Variants in PPP2R2C observed in about 807,000 individuals in gnomAD.
PPP2R2C encodes the protein protein phosphatase 2 regulatory subunit Bgamma, also known as protein phosphatase 2, regulatory subunit B, gamma.
In PPP2R2C, 10 loss-of-function variants were observed where a neutral mutation model predicts 45.3. The ratio of observed to expected loss-of-function variants is 0.22; its 90% CI spans 0.14 to 0.37. The LOEUF is 0.37. Ranked by LOEUF, PPP2R2C falls within the 10% of genes least tolerant of loss-of-function variation. The pLI, the probability that PPP2R2C is intolerant of heterozygous loss-of-function variation, is 1.00. For missense variants in PPP2R2C, 308 were observed against 619.7 expected (o/e 0.50, Z 5.34); for synonymous variants, 257 against 245.4 (o/e 1.05, Z -0.44).
At chr4:6,541,438 G>C (rs1023968491) in intron 1 of PPP2R2C, among the ~76,000 whole-genome samples, 1 of 152,094 alleles carries the variant, frequency 6.6e-6, no homozygotes, top group Non-Finnish European at 1.5e-5. Context: ...CACCACATAG[G>C]TTCCCTGTCA....
chr4:6,374,830 A>G (rs1715165534), intron 4 of PPP2R2C, among the ~76,000 whole-genome samples: 1 of 152,136 alleles, frequency 6.6e-6, no homozygotes, highest in South Asian at 2.1e-4. Flanking sequence ...AGCTGCCTCC[A>G]GTGTGAACTG....
At chr4:6,491,793 G>C (rs1233034656) in intron 2 of PPP2R2C, among the ~76,000 whole-genome samples, 2 of 152,180 alleles carry the variant, frequency 1.3e-5, no homozygotes, top group Non-Finnish European at 2.9e-5. Flanking sequence ...ATGTGAATAT[G>C]TGCCTACTTC....
intron 1 of PPP2R2C, among the ~76,000 whole-genome samples, chr4:6,400,235 G>C (rs1217885310): frequency 2.0e-5 from 3 of 152,132 alleles, no homozygotes; most frequent in African/African-American, 7.2e-5. Context: ...TATCACAACA[G>C]ACTGAATGCA....
chr4:6,364,867 G>A lies in PPP2R2C; in HGVS notation c.625+7656C>T, dbSNP rs1293521031. 6.6e-6 allele frequency among the ~76,000 whole-genome samples: 1 copy of A among 152,138 alleles called. No individual in the cohort carries two copies. The highest frequency in any genetic ancestry group is 1.5e-5 in the Non-Finnish European group (1 of 68,022). ...GGGCAGACAGGCAGGTGGGCTCTGGGTGCATTTGGACGATGGGATCACAGG... is the reference window on the plus strand; with the variant it reads ...GGGCAGACAGGCAGGTGGGCTCTGGATGCATTTGGACGATGGGATCACAGG... On this transcript the variant is annotated intron_variant, in intron 5 of 8. Transcript: ENST00000382599. The surrounding 1 kb of genome is among the most constrained non-coding windows in gnomAD (Gnocchi z 5.3).
At position 6,324,388 on chromosome 4, in the gene PPP2R2C, G is replaced by A. The variant is rs943497685; in HGVS notation, c.1053-795C>T. 3.3e-5 allele frequency among the ~76,000 whole-genome samples: 5 copies of A among 152,004 alleles called. No homozygotes were observed. Among genetic ancestry groups the A allele is most frequent in the Admixed American group, 6.5e-5 (1 of 15,274 alleles). Reference sequence around the variant, plus strand: ...CAAGGTTGTAGTGAGCCAAGATCGCGCCACTGCACTCCAGCCTGGGCAATA... The same window carrying A: ...CAAGGTTGTAGTGAGCCAAGATCGCACCACTGCACTCCAGCCTGGGCAATA... On this transcript the variant is annotated intron_variant, in intron 8 of 8. Coordinates refer to ENST00000382599, the MANE Select transcript of PPP2R2C (RefSeq NM_020416.4). The surrounding 1 kb of genome is among the most constrained non-coding windows in gnomAD (Gnocchi z 4.1).
chr4:6,349,108 C>A, intron 5 of PPP2R2C: 1 of 985,406 alleles, frequency 1.0e-6, no homozygotes, highest in Non-Finnish European at 1.2e-6. Flanking sequence ...CACCCCCGAG[C>A]TTCTCTCCGG....
intron 1 of PPP2R2C, among the ~76,000 whole-genome samples, chr4:6,444,044 C>T (rs946776834): frequency 7.2e-5 from 11 of 152,206 alleles, no homozygotes; most frequent in African/African-American, 2.7e-4. Flanking sequence ...TCCTGCAGCC[C>T]TCTGCCCGTG....
chr4:6,461,689 A>C (rs1721327904), intron 1 of PPP2R2C, among the ~76,000 whole-genome samples: 1 of 152,280 alleles, frequency 6.6e-6, no homozygotes, highest in South Asian at 2.1e-4. Flanking sequence ...AAGCCCCTGG[A>C]ATGTGGGGAT....
chr4:6,469,972 G>C (rs953913256), intron 1 of PPP2R2C, among the ~76,000 whole-genome samples: 1 of 152,258 alleles, frequency 6.6e-6, no homozygotes, highest in African/African-American at 2.4e-5. Flanking sequence ...TTCATCTCAA[G>C]GTGGGGATAA....
chr4:6,352,079 A>G (rs28499281), intron 5 of PPP2R2C, among the ~76,000 whole-genome samples: 6,847 of 152,200 alleles, frequency 0.045, 500 homozygotes, highest in African/African-American at 0.16. Flanking sequence ...GCTACCGTGA[A>G]CACAGCTTTC....
In PPP2R2C at chr4:6,381,095, C is replaced by A; in HGVS notation, c.71-1G>T. On this transcript the variant is annotated splice_acceptor_variant, in intron 1 of 8. Transcript: ENST00000382599. LOFTEE classifies it high-confidence loss of function. ...AACTCAACGGTAGAGATGATGTCAG[C>A]TGGGAGGGGAACAGCAAGACGGGAA... 1.3e-6 allele frequency: 2 copies of A among 1,579,438 alleles called. No individual in the cohort carries two copies. The highest frequency in any genetic ancestry group is 1.8e-5 in the Admixed American group (1 of 56,318).
chr4:6,372,506 G>A lies in PPP2R2C; in HGVS notation c.625+17C>T. 1.2e-6 allele frequency: 2 copies of A among 1,611,792 alleles called. No homozygotes were observed. Among genetic ancestry groups the A allele is most frequent in the Non-Finnish European group, 1.7e-6 (2 of 1,178,052 alleles). ...TCTGCCCGTGGGAGGCACTGGCCAG[G>A]CCACAGTGAAGGATACTGAAGCTCC... On this transcript the variant is annotated intron_variant, in intron 5 of 8. Transcript: ENST00000382599.
intron 2 of PPP2R2C, among the ~76,000 whole-genome samples, chr4:6,493,192 C>G (rs1722761586): frequency 6.6e-6 from 1 of 152,102 alleles, no homozygotes. Context: ...CAATTGCAAC[C>G]AGCACGCCTG....
intron 1 of PPP2R2C, among the ~76,000 whole-genome samples, chr4:6,535,558 C>T (rs948054370): frequency 1.3e-5 from 2 of 152,324 alleles, no homozygotes; most frequent in Non-Finnish European, 2.9e-5. Flanking sequence ...CTGCAGGAGC[C>T]GCCTGAGCCT....
chr4:6,563,175 C>G lies in PPP2R2C; in HGVS notation c.-59+385G>C, dbSNP rs1360262527. On this transcript the variant is annotated intron_variant, in intron 1 of 9. Coordinates refer to the PPP2R2C transcript ENST00000506140. The surrounding 1 kb of genome is among the most constrained non-coding windows in gnomAD (Gnocchi z 5.8). ...GCAGCGAGGGGGGGCTCGAGCGCGCCGGTTCTCGGCCGAGACGCTGTGGCT... is the reference window on the plus strand; with the variant it reads ...GCAGCGAGGGGGGGCTCGAGCGCGCGGGTTCTCGGCCGAGACGCTGTGGCT... Among the ~76,000 whole-genome samples the G allele has an allele frequency of 6.6e-6, 1 of 152,160 alleles. No homozygotes were observed. Among genetic ancestry groups the G allele is most frequent in the African/African-American group, 2.4e-5 (1 of 41,438 alleles).
chr4:6,326,693 G>A (rs756329873), intron 8 of PPP2R2C, among the ~76,000 whole-genome samples: 22 of 152,222 alleles, frequency 1.4e-4, no homozygotes, highest in Non-Finnish European at 2.5e-4. Context: ...GCTGACTTAG[G>A]GGCTTCCTCA....
intron 2 of PPP2R2C, among the ~76,000 whole-genome samples, chr4:6,513,105 G>A (rs966734781): frequency 2.0e-5 from 3 of 152,248 alleles, no homozygotes; most frequent in African/African-American, 7.2e-5. Context: ...ATATCATAAA[G>A]CTAGAAAATT....
intron 1 of PPP2R2C, among the ~76,000 whole-genome samples, chr4:6,428,532 T>A (rs994020723): frequency 6.6e-6 from 1 of 152,228 alleles, no homozygotes; most frequent in Non-Finnish European, 1.5e-5. Context: ...GAGTCACCCG[T>A]GACTTAAGCA....
At chr4:6,487,652 T>C (rs2108783091) in intron 2 of PPP2R2C, among the ~76,000 whole-genome samples, 1 of 152,268 alleles carries the variant, frequency 6.6e-6, no homozygotes, top group South Asian at 2.1e-4. Context: ...TTTCTCTTTA[T>C]TATTTTGGGC....
Sources: allele counts gnomAD v4.1 joint callset (sites outside exome capture counted in the v4.1 genomes callset), GRCh38; gene constraint gnomAD v4.1.1; non-coding constraint Gnocchi (gnomAD v3.1); transcripts MANE v1.5; gene names NCBI Gene and HGNC (gene_info 2026-07-23, HGNC 2026-07-21).